The following MYO7B variants were observed in gnomAD, a reference collection of about 807,000 sequenced individuals.
MYO7B encodes the protein unconventional myosin-VIIb.
MYO7B carries 212 observed loss-of-function variants against 259.7 expected under a neutral mutation model. That is an observed-to-expected ratio of 0.82 (90% CI 0.73 to 0.91). The LOEUF is 0.91. Among genes scored for constraint, MYO7B ranks in the 40% least tolerant of loss-of-function variants. The pLI is 0.00. For synonymous variants in MYO7B, 1,197 were observed against 1,166.4 expected (o/e 1.03, Z -0.54); for missense variants, 2,732 against 2,813.5 (o/e 0.97, Z 0.66).
In MYO7B at chr2:127,572,418, A is replaced by AAAG. The variant is rs1678679011; in HGVS notation, c.593-1500_593-1499insGAA. ...TGGGCGACAGAGTGAGACTGTCTCA[A>AAAG]AAAAAAAAAAAAAGACTTTTCTGTC... On this transcript the variant is annotated intron_variant, in intron 6 of 47. Transcript: ENST00000409816. 1.3e-5 allele frequency among the ~76,000 whole-genome samples: 2 copies of AAAG among 149,696 alleles called. 1 individual carries two copies. The highest frequency in any genetic ancestry group is 1.3e-4 in the Admixed American group (2 of 15,090).
intron 17 of MYO7B, 25 bp downstream of exon 17, chr2:127,592,971 C>T (rs762987398): frequency 4.1e-5 from 64 of 1,563,772 alleles, no homozygotes; most frequent in Non-Finnish European, 5.5e-5. Context: ...GGGACGGTCA[C>T]CTCTGGCCAT....
chr2:127,605,335 G>A (rs1030626006), intron 19 of MYO7B, among the ~76,000 whole-genome samples: 3 of 152,212 alleles, frequency 2.0e-5, no homozygotes, highest in African/African-American at 4.8e-5. Context: ...AGTGGCTCAC[G>A]CCTGTAATCC....
At position 127,613,725 on chromosome 2, in the gene MYO7B, A is replaced by G. The variant is rs1039807513; in HGVS notation, c.3398+1122A>G. ...ATTCTGTTATACTCTTTCAAAGAGC[A>G]TTGATTTTTTGTTTTAGGAGGCAAC... is the stretch of plus-strand genomic sequence containing the variant. On this transcript the variant is annotated intron_variant, in intron 26 of 47. Coordinates refer to ENST00000409816, the MANE Select transcript of MYO7B (RefSeq NM_001393586.1). The surrounding 1 kb of genome is among the most constrained non-coding windows in gnomAD (Gnocchi z 4.3). Among the ~76,000 whole-genome samples the G allele has an allele frequency of 2.0e-5, 3 of 152,164 alleles. No individual in the cohort carries two copies. Among genetic ancestry groups the G allele is most frequent in the African/African-American group, 7.2e-5 (3 of 41,432 alleles).
intron 41 of MYO7B, 144 bp downstream of exon 41, chr2:127,634,433 G>A (rs1681684331): frequency 2.3e-6 from 2 of 876,360 alleles, no homozygotes. Flanking sequence ...AGAGGTAGGT[G>A]GGGTCCTGGA....
rs1679502472 is a variant in MYO7B, at chr2:127,590,097, A to G, written c.1860A>G (p.Ala620=). The G allele has an allele frequency of 1.3e-6, 2 of 1,578,850 alleles. No individual in the cohort carries two copies. Among genetic ancestry groups the G allele is most frequent in the Non-Finnish European group, 8.6e-7 (1 of 1,162,808 alleles). Residue 620 remains alanine, a synonymous_variant, in exon 16 of 48, where the codon GCA becomes GCG. Coordinates refer to ENST00000409816, the MANE Select transcript of MYO7B (RefSeq NM_001393586.1). This position sits in a 1 kb window ranked among gnomAD's most constrained non-coding sequence, Gnocchi z 4.6. ...AKAGNHLFKS[A]DSNKRPSTLG... ...CTCTGTGCTTCCATTCACAGTCTGC[A>G]GACTCAAATAAACGGCCCTCCACCT...
intron 1 of MYO7B, among the ~76,000 whole-genome samples, chr2:127,544,589 T>TC (rs1430479832): frequency 8.2e-5 from 12 of 145,520 alleles, no homozygotes; most frequent in Non-Finnish European, 1.6e-4. Flanking sequence ...TTTTTTTTTT[T>TC]TTTTTTTTTG....
chr2:127,608,959 C>T lies in MYO7B; in HGVS notation c.2814+81C>T, dbSNP rs1558832800. 12 of 1,506,998 alleles carry T rather than the reference C, an allele frequency of 8.0e-6. No homozygotes were observed. The East Asian group carries it at 1.2e-4, about 15-fold the overall frequency. The allele number at this position is 1,506,998 out of a possible 1,614,324, so 93.4% of individuals were successfully genotyped here. A position where few individuals can be genotyped will look rare whatever the true frequency, so the allele number is the denominator to read the frequency against. ...CAGTCCGTGAACTCAGTCCACCTCT[C>T]GGCTCCCTGAGAAGCCAGAGCGGTG... On this transcript the variant is annotated intron_variant, in intron 22 of 47. Coordinates refer to ENST00000409816, the MANE Select transcript of MYO7B (RefSeq NM_001393586.1).
intron 1 of MYO7B, among the ~76,000 whole-genome samples, chr2:127,538,029 T>C (rs977853455): frequency 2.6e-5 from 4 of 151,914 alleles, no homozygotes; most frequent in Non-Finnish European, 4.4e-5. Flanking sequence ...AAGTGACCCA[T>C]GTACACCAGA....
In MYO7B at chr2:127,634,743, G is replaced by A. The variant is rs1453703735; in HGVS notation, c.5713+60G>A. On this transcript the variant is annotated intron_variant, in intron 42 of 47. Coordinates refer to ENST00000409816, the MANE Select transcript of MYO7B (RefSeq NM_001393586.1). ...GGCTGGGTGGGTCGAGGGGGCACTG[G>A]CGGCCTCTGTGCGGCCCATGCCCAT... 3.5e-6 allele frequency: 5 copies of A among 1,446,858 alleles called. No homozygotes were observed. In the Admixed American group the frequency reaches 7.5e-5, roughly 22 times the overall value. 89.6% of individuals were successfully genotyped at this position (1,446,858 alleles called of 1,614,324 possible).
At chr2:127,637,143 G>A (rs1416696491) in intron 47 of MYO7B, 173 bp from the exon 48 acceptor site, 4 of 917,676 alleles carry the variant, frequency 4.4e-6, no homozygotes, top group Non-Finnish European at 6.9e-6. Context: ...GAGGGAGGGA[G>A]ACCCAGCTCC....
intron 14 of MYO7B, among the ~76,000 whole-genome samples, chr2:127,587,899 A>G (rs916547559): frequency 2.6e-5 from 4 of 152,080 alleles, no homozygotes; most frequent in Non-Finnish European, 4.4e-5. Flanking sequence ...CACTAGTTAC[A>G]CTGGATTAGG....
intron 9 of MYO7B, among the ~76,000 whole-genome samples, chr2:127,579,192 C>A (rs1441406985): frequency 6.6e-6 from 1 of 152,080 alleles, no homozygotes; most frequent in East Asian, 1.9e-4. Flanking sequence ...AGGGAGCACA[C>A]CTTTCATTGG....
Position 127,538,423 on chromosome 2 carries a change from TA to T in MYO7B, c.-24+2595del, listed in dbSNP as rs1411852732. Among the ~76,000 whole-genome samples, 42 of 152,194 alleles carry T rather than the reference TA, an allele frequency of 2.8e-4. 1 individual carries two copies. The highest frequency in any genetic ancestry group is 5.9e-5 in the Non-Finnish European group (4 of 68,028). On this transcript the variant is annotated intron_variant, in intron 1 of 47. Coordinates refer to ENST00000409816, the MANE Select transcript of MYO7B (RefSeq NM_001393586.1). ...GTCTGAATTTTTAATTCAGCTCATT[TA>T]AATTTAAATAGCCACATGTGGCTAG...
At position 127,614,735 on chromosome 2, in the gene MYO7B, ATCTC is replaced by A. The variant is rs1391455761; in HGVS notation, c.3398+2136_3398+2139del. 6.6e-6 allele frequency among the ~76,000 whole-genome samples: 1 copy of A among 152,090 alleles called. No homozygotes were observed. The highest frequency in any genetic ancestry group is 1.9e-4 in the East Asian group (1 of 5,176). Reference sequence around the variant, plus strand: ...TACAGGGAGTGGAAATGGGCCACAGATCTCTCTATCCCCATGAAGTCCCTTCCAG... The same window carrying A: ...TACAGGGAGTGGAAATGGGCCACAGATCTATCCCCATGAAGTCCCTTCCAG... On this transcript the variant is annotated intron_variant, in intron 26 of 47. Transcript: ENST00000409816. The surrounding 1 kb of genome is among the most constrained non-coding windows in gnomAD (Gnocchi z 4.6).
At position 127,633,368 on chromosome 2, in the gene MYO7B, G is replaced by A; in HGVS notation, c.5511+5G>A. On this transcript the variant is annotated splice_donor_5th_base_variant and intron_variant, in intron 40 of 47. Transcript: ENST00000409816. ...TTCCCCAATGACACCAGTGAGGTGA[G>A]GCCCTGCTCTGGTCTGCACGGCAAG... is the stretch of plus-strand genomic sequence containing the variant. 2 of 1,612,180 alleles carry A rather than the reference G, an allele frequency of 1.2e-6. No individual in the cohort carries two copies. Among genetic ancestry groups the A allele is most frequent in the South Asian group, 2.2e-5 (2 of 90,902 alleles).
Position 127,634,308 on chromosome 2 carries a change from G to A in MYO7B, c.5625+19G>A. The A allele has an allele frequency of 6.5e-7, 1 of 1,534,824 alleles. No individual in the cohort carries two copies. Among genetic ancestry groups the A allele is most frequent in the Non-Finnish European group, 8.8e-7 (1 of 1,137,458 alleles). On this transcript the variant is annotated intron_variant, in intron 41 of 47. Transcript: ENST00000409816. ...AGACAAGGTGGGCCGGGCTGGGGCTGGGCAGACGGTGGGCGGACGGGCAGT... is the reference window on the plus strand; with the variant it reads ...AGACAAGGTGGGCCGGGCTGGGGCTAGGCAGACGGTGGGCGGACGGGCAGT...
At chr2:127,565,113 G>A (rs762879348) in intron 3 of MYO7B, 120 bp from the exon 4 acceptor site, 2 of 1,312,754 alleles carry the variant, frequency 1.5e-6, no homozygotes, top group African/African-American at 1.5e-5. Flanking sequence ...ACTGCCCCAG[G>A]TCAGCTGATC....
At position 127,586,608 on chromosome 2, in the gene MYO7B, C is replaced by T. The variant is rs945462422; in HGVS notation, c.1690+1695C>T. Among the ~76,000 whole-genome samples, 2 of 152,036 alleles carry T rather than the reference C, an allele frequency of 1.3e-5. No individual in the cohort carries two copies. Among genetic ancestry groups the T allele is most frequent in the African/African-American group, 2.4e-5 (1 of 41,368 alleles). On this transcript the variant is annotated intron_variant, in intron 14 of 47. Transcript: ENST00000409816. This position sits in a 1 kb window ranked among gnomAD's most constrained non-coding sequence, Gnocchi z 4.8. ...CAGTCGGACCTGCAGGGTCCTGGGACGCAAAGAAGATACCGAGCCCATCCT... is the reference window on the plus strand; with the variant it reads ...CAGTCGGACCTGCAGGGTCCTGGGATGCAAAGAAGATACCGAGCCCATCCT...
At position 127,623,509 on chromosome 2, in the gene MYO7B, C is replaced by T. The variant is rs187605855; in HGVS notation, c.3819+134C>T. On this transcript the variant is annotated intron_variant, in intron 29 of 47. Transcript: ENST00000409816. ...CAGCTGCCAGGCACAGCACTGCTTA[C>T]CCTCCCAGCCACCAGGCACAGGCAG... 575 of 945,608 alleles carry T rather than the reference C, an allele frequency of 6.1e-4. 6 individuals carry two copies. The African/African-American group carries it at 9.0e-3, about 15-fold the overall frequency. 58.6% of individuals were successfully genotyped at this position (945,608 alleles called of 1,614,324 possible).
Sources: gnomAD v4.1 joint callset for allele counts (sites outside exome capture counted in the v4.1 genomes callset) on GRCh38, gnomAD v4.1.1 for gene constraint, Gnocchi (gnomAD v3.1) non-coding constraint, MANE v1.5 for transcripts, NCBI Gene and HGNC (gene_info 2026-07-23, HGNC 2026-07-21) for gene names.